The following EML5 variants were observed in gnomAD, a reference collection of about 807,000 sequenced individuals.
The protein encoded by EML5 is echinoderm microtubule-associated protein-like 5.
A neutral mutation model predicts 250.0 loss-of-function variants in EML5; 120 were observed. That is an observed-to-expected ratio of 0.48 (90% CI 0.41 to 0.56). EML5 has a LOEUF of 0.56. Among genes scored for constraint, EML5 ranks in the 20% least tolerant of loss-of-function variants. The pLI is 0.00. For missense variants in EML5, 2,006 were observed against 2,437.6 expected (o/e 0.82, Z 3.73); for synonymous variants, 771 against 806.5 (o/e 0.96, Z 0.75).
intron 29 of EML5, among the ~76,000 whole-genome samples, chr14:88,646,468 T>C (rs2091351742): frequency 6.6e-6 from 1 of 152,156 alleles, no homozygotes; most frequent in Non-Finnish European, 1.5e-5. Flanking sequence ...GACAGGACCA[T>C]TTCAAAGAAT....
At chr14:88,789,265 A>G (rs2094582678) in intron 1 of EML5, among the ~76,000 whole-genome samples, 2 of 152,186 alleles carry the variant, frequency 1.3e-5, no homozygotes, top group Non-Finnish European at 2.9e-5. Flanking sequence ...ATAACTGGAG[A>G]ATTTTATCAA....
In EML5 at chr14:88,636,370, G is replaced by A. The variant is rs117869436; in HGVS notation, c.4337-1881C>T. On this transcript the variant is annotated intron_variant, in intron 32 of 43. Transcript: ENST00000554922. ...GGGTGCCAAAGGAGACCTTTTAAAAGAGAAGCAAAAGGCTGGGCACGGTGG... is the reference window on the plus strand; with the variant it reads ...GGGTGCCAAAGGAGACCTTTTAAAAAAGAAGCAAAAGGCTGGGCACGGTGG... Among the ~76,000 whole-genome samples the A allele has an allele frequency of 1.3e-3, 199 of 152,282 alleles. 3 individuals carry two copies. In the East Asian group the frequency reaches 0.034, roughly 26 times the overall value.
intron 1 of EML5, among the ~76,000 whole-genome samples, chr14:88,775,303 G>A (rs899504041): frequency 6.6e-6 from 1 of 151,844 alleles, no homozygotes; most frequent in Non-Finnish European, 1.5e-5. Context: ...AGATCACCAA[G>A]TGGGATCTTT....
rs750800837 is a variant in EML5 at position 88,687,232 on chromosome 14, C to T, written c.2838G>A (p.Leu946=). Reference sequence around the variant, plus strand: ...TCAAATCACCTTTAGATCCTGGGGCCAATGCAGCTCTTTTTATAGCATAGG... The same window carrying T: ...TCAAATCACCTTTAGATCCTGGGGCTAATGCAGCTCTTTTTATAGCATAGG... ...LKTYAIKRAA[L]APGSKGLLLE... is the part of the protein sequence containing the mutation. The change falls in exon 19 of 44, where the codon TTG becomes TTA. Residue 946 remains leucine, a synonymous_variant. Coordinates refer to ENST00000554922, the MANE Select transcript of EML5 (RefSeq NM_183387.3). The T allele has an allele frequency of 2.5e-6, 4 of 1,609,472 alleles. No homozygotes were observed. The highest frequency in any genetic ancestry group is 3.4e-6 in the Non-Finnish European group (4 of 1,178,054).
intron 42 of EML5, 60 bp from the exon 43 acceptor site, chr14:88,616,302 T>TA (rs1295690964): frequency 6.8e-7 from 1 of 1,460,572 alleles, no homozygotes; most frequent in East Asian, 2.3e-5. Context: ...CAAAGGCTCT[T>TA]ATTAGGAACT....
chr14:88,646,900 C>G (rs759665263), intron 29 of EML5, 47 bp downstream of exon 29: 1 of 1,572,346 alleles, frequency 6.4e-7, no homozygotes, highest in Non-Finnish European at 8.6e-7. Flanking sequence ...TGGAAGATGA[C>G]AAAAATACAA....
intron 21 of EML5, among the ~76,000 whole-genome samples, chr14:88,674,586 T>G (rs2092551634): frequency 6.6e-6 from 1 of 152,138 alleles, no homozygotes; most frequent in South Asian, 2.1e-4. Context: ...GAATTCGAGA[T>G]GAGATTTGGG....
chr14:88,690,137 G>A (rs1043585775), intron 17 of EML5, among the ~76,000 whole-genome samples: 1 of 152,188 alleles, frequency 6.6e-6, no homozygotes, highest in Admixed American at 6.5e-5. Flanking sequence ...TAACATCCAG[G>A]GAGACAAGTA....
intron 36 of EML5, chr14:88,623,797 T>C (rs1411814536): frequency 6.6e-6 from 1 of 152,210 alleles, no homozygotes; most frequent in African/African-American, 2.4e-5. Context: ...TTTAGCAGGC[T>C]TCTAGTGAGT....
chr14:88,780,822 C>T (rs2094491102), intron 1 of EML5, among the ~76,000 whole-genome samples: 1 of 152,182 alleles, frequency 6.6e-6, no homozygotes, highest in Admixed American at 6.5e-5. Flanking sequence ...ATCCATCTGC[C>T]TTGTCCTCCC....
At chr14:88,638,745 TATTGA>T in intron 32 of EML5, 59 bp downstream of exon 32, 2 of 1,346,916 alleles carry the variant, frequency 1.5e-6, no homozygotes, top group Non-Finnish European at 2.0e-6. Context: ...TTTCCTTGGA[TATTGA>T]ATTTATTTGA....
At chr14:88,647,094 GT>G in intron 28 of EML5, 139 bp from the exon 29 acceptor site, 2 of 740,362 alleles carry the variant, frequency 2.7e-6, no homozygotes, top group Non-Finnish European at 4.0e-6. Flanking sequence ...AAGGCCTGTT[GT>G]TTTTAGTTTA....
Position 88,696,955 on chromosome 14 carries a change from A to G in EML5, c.2239-3T>C. On this transcript the variant is annotated splice_region_variant and splice_polypyrimidine_tract_variant and intron_variant, in intron 14 of 43. Transcript: ENST00000554922. The stretch of plus-strand genomic sequence containing the variant: ...TGAATTGAGGGATCTCTACCAACCT[A>G]AAATAGAATTATAGAAGCTATTAAA... The G allele has an allele frequency of 6.5e-7, 1 of 1,546,960 alleles. No homozygotes were observed. The highest frequency in any genetic ancestry group is 1.4e-5 in the African/African-American group (1 of 72,740).
chr14:88,665,907 C>CA (rs1345204895), intron 21 of EML5, among the ~76,000 whole-genome samples: 1,806 of 132,980 alleles, frequency 0.014, 29 homozygotes, highest in African/African-American at 0.039. Context: ...GACCTTGCCT[C>CA]AAAAAAAAAA....
intron 2 of EML5, among the ~76,000 whole-genome samples, chr14:88,750,294 C>G (rs992717770): frequency 6.6e-6 from 1 of 152,070 alleles, no homozygotes; most frequent in African/African-American, 2.4e-5. Context: ...AATTACTTCA[C>G]AGGGGTCACT....
At chr14:88,758,754 C>T (rs936011073) in intron 1 of EML5, among the ~76,000 whole-genome samples, 2 of 152,040 alleles carry the variant, frequency 1.3e-5, no homozygotes, top group Admixed American at 1.3e-4. Flanking sequence ...CACAAATGGC[C>T]AAAAAGTAGA....
At position 88,726,597 on chromosome 14, in the gene EML5, A is replaced by G; in HGVS notation, c.1131T>C (p.Asp377=). 1 of 1,596,182 alleles carries G rather than the reference A, an allele frequency of 6.3e-7. No homozygotes were observed. Among genetic ancestry groups the G allele is most frequent in the Non-Finnish European group, 8.5e-7 (1 of 1,170,162 alleles). The change falls in exon 8 of 44, where the codon GAT becomes GAC. Residue 377 remains aspartate (D), a synonymous_variant. Transcript: ENST00000554922. ...TCATTCCAAGGGCAAGATGGATTCC[A>G]TCTGCATTGACAGCTGCACAACGAA... ...EPIRCAAVNA[D]GIHLALGMKD...
intron 2 of EML5, among the ~76,000 whole-genome samples, chr14:88,753,826 C>A (rs182799382): frequency 2.7e-4 from 41 of 152,162 alleles, no homozygotes; most frequent in Admixed American, 9.8e-4. Flanking sequence ...AATAGACAAC[C>A]TTTAAGGTAA....
At chr14:88,707,270 T>TTTTATTTA (rs36057410) in intron 10 of EML5, among the ~76,000 whole-genome samples, 11,493 of 145,514 alleles carry the variant, frequency 0.079, 701 homozygotes, top group African/African-American at 0.16. Flanking sequence ...TAGGGATATA[T>TTTTATTTA]TTTATTTATT....
Sources: gnomAD v4.1 joint callset for allele counts (sites outside exome capture counted in the v4.1 genomes callset) on GRCh38, gnomAD v4.1.1 for gene constraint, MANE v1.5 for transcripts, NCBI Gene and HGNC (gene_info 2026-07-23, HGNC 2026-07-21) for gene names.